SYDE2: variants seen among roughly 807,000 people sequenced by gnomAD.
SYDE2 encodes rho GTPase-activating protein SYDE2.
Under a neutral mutation model 91.5 loss-of-function variants are expected in SYDE2, and 76 were observed. The ratio of observed to expected loss-of-function variants is 0.83; its 90% CI spans 0.69 to 1.01. The LOEUF (loss-of-function observed/expected upper bound fraction) is 1.01, where lower values mean the gene tolerates loss of function less well. Among genes scored for constraint, SYDE2 ranks in the 50% least tolerant of loss-of-function variants. The pLI is 0.00. For synonymous variants in SYDE2, 513 were observed against 506.4 expected (o/e 1.01, Z -0.18); for missense variants, 1,364 against 1,367.7 (o/e 1.00, Z 0.04).
In SYDE2 at chr1:85,157,655, A is replaced by T. The variant is rs1214416455; in HGVS notation, c.*1095T>A. ...GTGACTTTCTGTGAATAAAGGAAAG[A>T]AAGTCTATTATTTCTATTCAGATGC... On this transcript the variant is annotated 3_prime_UTR_variant, in exon 7 of 7. Transcript: ENST00000341460. The T allele has an allele frequency of 6.6e-6, 1 of 152,194 alleles. No individual in the cohort carries two copies. Among genetic ancestry groups the T allele is most frequent in the African/African-American group, 2.4e-5 (1 of 41,468 alleles). The allele number at this position is 152,194 out of a possible 1,614,324, so 9.4% of individuals were successfully genotyped here.
At chr1:85,200,123 T>G (rs1164197165) in intron 1 of SYDE2, 129 bp downstream of exon 1, 1 of 1,524,656 alleles carries the variant, frequency 6.6e-7, no homozygotes, top group Non-Finnish European at 8.7e-7. Flanking sequence ...GCCACTTACA[T>G]GACACTTACT....
chr1:85,198,141 CAG>C (rs1244917379), intron 1 of SYDE2, among the ~76,000 whole-genome samples: 9 of 152,080 alleles, frequency 5.9e-5, no homozygotes, highest in Non-Finnish European at 8.8e-5. Flanking sequence ...CTTATGTAAA[CAG>C]GGGCTTTTTT....
At chr1:85,160,315 T>TA in intron 6 of SYDE2, 1 of 920,018 alleles carries the variant, frequency 1.1e-6, no homozygotes, top group Non-Finnish European at 1.3e-6. Flanking sequence ...TTTCCAGACT[T>TA]AAAGTGATAT....
chr1:85,190,160 G>A lies in SYDE2; in HGVS notation c.1338C>T (p.Ala446=), dbSNP rs780881840. Residue 446 remains alanine, a synonymous_variant, in exon 2 of 7, where the codon GCC becomes GCT. Coordinates refer to ENST00000341460, the MANE Select transcript of SYDE2 (RefSeq NM_032184.2). ...ACTGCTGCACAAATTCTGTGGAATG[G>A]GCAGGATGTATAGGATTCATTCCAT... The part of the protein sequence containing the change: ...RSNGMNPIHP[A]HSTEFVQQYK... 1.2e-6 allele frequency: 2 copies of A among 1,613,884 alleles called. No homozygotes were observed. Among genetic ancestry groups the A allele is most frequent in the South Asian group, 2.2e-5 (2 of 91,076 alleles).
Position 85,190,618 on chromosome 1 carries a change from T to G in SYDE2, c.880A>C (p.Ser294Arg). 1.2e-6 allele frequency: 2 copies of G among 1,613,996 alleles called. No homozygotes were observed. ...VSKKRNWLYQ[S>R]TLRPLNLEEE... Reference sequence around the variant, plus strand: ...TCCAGATTAAGAGGCCTCAGAGTACTCTGATATAGCCAATTGCGTTTCTTT... The same window carrying G: ...TCCAGATTAAGAGGCCTCAGAGTACGCTGATATAGCCAATTGCGTTTCTTT... Residue 294 changes from serine (S) to arginine (R), a missense_variant, in exon 2 of 7, where the codon AGT becomes CGT. Physicochemically the swap from Ser to Arg is moderately radical, Grantham distance 110 (BLOSUM62 -1). Transcript: ENST00000341460.
rs1258705047 is a variant in SYDE2 at position 85,200,537 on chromosome 1, A to G, written c.460T>C (p.Ser154Pro). 1 of 1,612,166 alleles carries G rather than the reference A, an allele frequency of 6.2e-7. No homozygotes were observed. Among genetic ancestry groups the G allele is most frequent in the Non-Finnish European group, 8.5e-7 (1 of 1,179,688 alleles). ...GCTGGATCCCTGAAAGGGCTTCCCG[A>G]GGAGCAGCCGTGGTCCTTGCAGCCT... ...PPGCKDHGCS[S>P]GSPFRDPAGS... is the part of the protein sequence containing the mutation. The change falls in exon 1 of 7, where the codon TCG becomes CCG. Residue 154 changes from serine to proline, a missense_variant. Ser to Pro is a moderately conservative substitution (Grantham distance 74). Transcript: ENST00000341460.
At chr1:85,156,846 C>T (rs1459387086), downstream of SYDE2, 1 of 151,952 alleles carries the variant, frequency 6.6e-6, no homozygotes, top group African/African-American at 2.4e-5. Context: ...TCCTTAAAAC[C>T]ATTATAATAG....
chr1:85,163,445 C>A (rs373840617), intron 6 of SYDE2, among the ~76,000 whole-genome samples: 1,330 of 87,454 alleles, frequency 0.015, 9 homozygotes, highest in South Asian at 0.028. Flanking sequence ...GTACTTTAAT[C>A]TATATATATA....
chr1:85,156,146 T>C (rs540110793), downstream of SYDE2, among the ~76,000 whole-genome samples: 13 of 152,200 alleles, frequency 8.5e-5, no homozygotes, highest in African/African-American at 3.1e-4. Context: ...GTGAAATTGG[T>C]GTGGATGGCA....
At chr1:85,185,681 A>T (rs1251114461) in intron 2 of SYDE2, among the ~76,000 whole-genome samples, 1 of 152,174 alleles carries the variant, frequency 6.6e-6, no homozygotes, top group Non-Finnish European at 1.5e-5. Context: ...GTTGCTTATC[A>T]GCTTAAGGAG....
chr1:85,190,763 GATAGA>G lies in SYDE2; in HGVS notation c.746-16_746-12del, dbSNP rs1218898617. 1 of 1,576,522 alleles carries G rather than the reference GATAGA, an allele frequency of 6.3e-7. No individual in the cohort carries two copies. Among genetic ancestry groups the G allele is most frequent in the African/African-American group, 1.4e-5 (1 of 73,322 alleles). On this transcript the variant is annotated splice_polypyrimidine_tract_variant and intron_variant, in intron 1 of 6. Transcript: ENST00000341460. ...CATTTTCAAATAAATCTGTTGCAAA[GATAGA>G]ATAGAAGGTAGAATATAATGGCTGG... is the stretch of plus-strand genomic sequence containing the variant.
At chr1:85,191,541 C>T (rs945438922) in intron 1 of SYDE2, among the ~76,000 whole-genome samples, 6 of 152,012 alleles carry the variant, frequency 3.9e-5, no homozygotes, top group African/African-American at 1.4e-4. Flanking sequence ...AGGAGGATCA[C>T]GAGGTCAGGA....
intron 6 of SYDE2, among the ~76,000 whole-genome samples, chr1:85,161,495 G>A (rs1657056623): frequency 6.6e-6 from 1 of 152,158 alleles, no homozygotes; most frequent in Non-Finnish European, 1.5e-5. Context: ...GGAGGCCAAG[G>A]CAGGCAGATC....
intron 4 of SYDE2, among the ~76,000 whole-genome samples, chr1:85,177,748 C>G (rs1008645264): frequency 1.3e-5 from 2 of 152,058 alleles, no homozygotes; most frequent in African/African-American, 4.8e-5. Context: ...TATCACTCCC[C>G]CACTCAAAAA....
intron 3 of SYDE2, among the ~76,000 whole-genome samples, chr1:85,180,656 C>T (rs1304025885): frequency 6.6e-6 from 1 of 150,762 alleles, no homozygotes; most frequent in African/African-American, 2.5e-5. Context: ...CGCCATTGCA[C>T]TCCAGCCTGG....
chr1:85,158,797 T>C lies in SYDE2; in HGVS notation c.3538A>G (p.Asn1180Asp), dbSNP rs1656955573. ...TTTTTGTTGAGCTCACGTTCCAGAT[T>C]TCCAATCAAAGTATCAATACTTTCT... ...LQESIDTLIG[N>D]LERELNKNKL... is the part of the protein sequence containing the mutation. Residue 1180 changes from asparagine to aspartate, a missense_variant, in exon 7 of 7, where the codon AAT (asparagine) becomes GAT (aspartate). By Grantham distance (23) the Asn-to-Asp change is conservative (BLOSUM62 1). Transcript: ENST00000341460. 1.3e-6 allele frequency: 1 copy of C among 764,086 alleles called. No homozygotes were observed. The highest frequency in any genetic ancestry group is 2.4e-6 in the Non-Finnish European group (1 of 412,658). 47.3% of individuals were successfully genotyped at this position (764,086 alleles called of 1,614,324 possible).
rs1315582902 is a variant in SYDE2, at chr1:85,157,997, T to C, written c.*753A>G. ...AGATTTTCTTATAGCAGCATTTGCA[T>C]TACAAATAAAATTTGACCAAAGGAT... On this transcript the variant is annotated 3_prime_UTR_variant, in exon 7 of 7. Coordinates refer to ENST00000341460, the MANE Select transcript of SYDE2 (RefSeq NM_032184.2). The C allele has an allele frequency of 6.6e-6, 1 of 152,206 alleles. No individual in the cohort carries two copies. Among genetic ancestry groups the C allele is most frequent in the Non-Finnish European group, 1.5e-5 (1 of 68,030 alleles). 9.4% of individuals were successfully genotyped at this position (152,206 alleles called of 1,614,324 possible). A position where few individuals can be genotyped will look rare whatever the true frequency, so the allele number is the denominator to read the frequency against.
intron 2 of SYDE2, among the ~76,000 whole-genome samples, chr1:85,189,707 G>A (rs1658284392): frequency 2.6e-5 from 4 of 152,238 alleles, no homozygotes; most frequent in Non-Finnish European, 2.9e-5. Flanking sequence ...ATGGTGGCAC[G>A]CACCTGTAGT....
At chr1:85,186,331 C>T (rs1432193190) in intron 2 of SYDE2, among the ~76,000 whole-genome samples, 1 of 152,026 alleles carries the variant, frequency 6.6e-6, no homozygotes, top group Non-Finnish European at 1.5e-5. Context: ...AGGGAGGATT[C>T]CCTCTTTTTC....
Sources: gnomAD v4.1 joint callset for allele counts (sites outside exome capture counted in the v4.1 genomes callset) on GRCh38, gnomAD v4.1.1 for gene constraint, MANE v1.5 for transcripts, NCBI Gene and HGNC (gene_info 2026-07-23, HGNC 2026-07-21) for gene names.